The following METAP1D variants were observed in gnomAD, a reference collection of about 807,000 sequenced individuals.
METAP1D encodes methionyl aminopeptidase type 1D, mitochondrial.
In METAP1D, 31 loss-of-function variants were observed where a neutral mutation model predicts 40.5. The observed-to-expected ratio is 0.77, with a 90% CI of 0.58 to 1.03. METAP1D has a LOEUF of 1.03. Ranked by LOEUF, METAP1D falls within the 50% of genes least tolerant of loss-of-function variation. METAP1D has a pLI of 0.00. For missense variants in METAP1D, 411 were observed against 420.7 expected (o/e 0.98, Z 0.20); for synonymous variants, 151 against 146.4 (o/e 1.03, Z -0.22).
intron 1 of METAP1D, among the ~76,000 whole-genome samples, chr2:172,020,590 G>A (rs115603219): frequency 7.9e-4 from 120 of 152,318 alleles, no homozygotes; most frequent in Middle Eastern, 3.4e-3. Flanking sequence ...CTATATGCCA[G>A]ACACTGTTCT....
At chr2:172,038,862 T>C (rs1015884687) in intron 1 of METAP1D, among the ~76,000 whole-genome samples, 1 of 152,226 alleles carries the variant, frequency 6.6e-6, no homozygotes, top group African/African-American at 2.4e-5. Context: ...TTATGAGGTC[T>C]GAAGTTAGCC....
intron 6 of METAP1D, among the ~76,000 whole-genome samples, chr2:172,073,360 C>T (rs1690468817): frequency 6.6e-6 from 1 of 151,648 alleles, no homozygotes; most frequent in African/African-American, 2.4e-5. Flanking sequence ...ATTACATATT[C>T]ACTACATTAA....
At chr2:172,026,425 T>C (rs755142389) in intron 1 of METAP1D, among the ~76,000 whole-genome samples, 7 of 152,210 alleles carry the variant, frequency 4.6e-5, no homozygotes, top group Non-Finnish European at 8.8e-5. Flanking sequence ...TCTCACTTTT[T>C]GTCATGTTAG....
intron 1 of METAP1D, among the ~76,000 whole-genome samples, chr2:172,011,956 C>T (rs1268261225): frequency 6.6e-6 from 1 of 152,166 alleles, no homozygotes; most frequent in Non-Finnish European, 1.5e-5. Flanking sequence ...ATTACCACAT[C>T]CACAAGACAA....
intron 1 of METAP1D, among the ~76,000 whole-genome samples, chr2:172,024,756 G>GTGTGTGTGTGTA (rs367819905): frequency 0.3 from 36,385 of 120,562 alleles, 5,243 homozygotes; most frequent in Middle Eastern, 0.42. Context: ...GATTGTGTGT[G>GTGTGTGTGTGTA]TGTGTGTGTG....
At position 172,080,882 on chromosome 2, in the gene METAP1D, T is replaced by C; in HGVS notation, c.*476T>C. The C allele has an allele frequency of 5.3e-6, 1 of 188,650 alleles. No homozygotes were observed. Among genetic ancestry groups the C allele is most frequent in the Non-Finnish European group, 1.1e-5 (1 of 89,488 alleles). 11.7% of individuals were successfully genotyped at this position (188,650 alleles called of 1,614,324 possible). On this transcript the variant is annotated 3_prime_UTR_variant, in exon 10 of 10. Transcript: ENST00000315796. The stretch of plus-strand genomic sequence containing the variant: ...GGATTTTTAAGAATCCGTTTCTCCC[T>C]TTTGTGTATTCCATATTGGCCGGCC...
At chr2:172,010,050 G>A (rs1037903743) in intron 1 of METAP1D, among the ~76,000 whole-genome samples, 1 of 152,020 alleles carries the variant, frequency 6.6e-6, no homozygotes, top group African/African-American at 2.4e-5. Context: ...TGATGATGGC[G>A]GCTTGGAGCA....
Position 172,008,531 on chromosome 2 carries a change from T to C in METAP1D, c.40+8522T>C, listed in dbSNP as rs78965291. Among the ~76,000 whole-genome samples the C allele has an allele frequency of 3.1e-4, 47 of 152,334 alleles. No homozygotes were observed. The East Asian group carries it at 7.9e-3, about 26-fold the overall frequency. On this transcript the variant is annotated intron_variant, in intron 1 of 9. Coordinates refer to ENST00000315796, the MANE Select transcript of METAP1D (RefSeq NM_199227.3). ...AGTGGATGTCTGAAGCCACAGATGG[T>C]ACTGAACCCTGCACGGTGCTGTACT...
intron 1 of METAP1D, among the ~76,000 whole-genome samples, chr2:172,028,968 T>C (rs901325758): frequency 2.0e-5 from 3 of 152,214 alleles, no homozygotes; most frequent in Non-Finnish European, 4.4e-5. Flanking sequence ...TTCTAAAATA[T>C]AGCAGAGACT....
intron 1 of METAP1D, among the ~76,000 whole-genome samples, chr2:172,022,583 G>A (rs1021485637): frequency 3.3e-5 from 5 of 152,054 alleles, no homozygotes; most frequent in Admixed American, 6.6e-5. Context: ...GCTTGCATAA[G>A]TAAAAAAAGT....
chr2:172,052,326 T>G (rs1689903184), intron 1 of METAP1D, among the ~76,000 whole-genome samples: 1 of 152,182 alleles, frequency 6.6e-6, no homozygotes, highest in Non-Finnish European at 1.5e-5. Flanking sequence ...CAGGAAGCAG[T>G]GGTGTATGGT....
chr2:172,009,382 T>C (rs1215450685), intron 1 of METAP1D, among the ~76,000 whole-genome samples: 1 of 152,106 alleles, frequency 6.6e-6, no homozygotes, highest in Non-Finnish European at 1.5e-5. Context: ...TTGATTGACC[T>C]TGGATAACTG....
chr2:172,000,639 C>A (rs1191623981), intron 1 of METAP1D, among the ~76,000 whole-genome samples: 1 of 152,002 alleles, frequency 6.6e-6, no homozygotes, highest in East Asian at 1.9e-4. Flanking sequence ...TTTCCAAGGA[C>A]GGGGGAAGAG....
At chr2:172,047,161 G>T (rs560130613) in intron 1 of METAP1D, among the ~76,000 whole-genome samples, 1 of 152,240 alleles carries the variant, frequency 6.6e-6, no homozygotes. Context: ...TGCCTTTTTT[G>T]TCATAAGTGA....
Position 172,080,665 on chromosome 2 carries a change from G to C in METAP1D, c.*259G>C, listed in dbSNP as rs551979219. On this transcript the variant is annotated 3_prime_UTR_variant, in exon 10 of 10. Transcript: ENST00000315796. ...TCCCAGCGCGGTCAACGCATCTGGA[G>C]GGGACTGGAGGAAACCCCCTTGTTG... 3.4e-5 allele frequency: 20 copies of C among 586,272 alleles called. 1 individual carries two copies. The South Asian group carries it at 4.1e-4, about 12-fold the overall frequency. 36.3% of individuals were successfully genotyped at this position (586,272 alleles called of 1,614,324 possible).
At chr2:172,044,727 C>A (rs560412654) in intron 1 of METAP1D, among the ~76,000 whole-genome samples, 1 of 133,078 alleles carries the variant, frequency 7.5e-6, no homozygotes, top group East Asian at 2.0e-4. Flanking sequence ...GTCAACATGG[C>A]GAAACCCCAT....
At chr2:172,031,649 G>A (rs1689244384) in intron 1 of METAP1D, among the ~76,000 whole-genome samples, 1 of 152,146 alleles carries the variant, frequency 6.6e-6, no homozygotes, top group Admixed American at 6.6e-5. Context: ...AAACAGTCTA[G>A]TTGAATTCTC....
chr2:172,036,989 G>A (rs1460017486), intron 1 of METAP1D, among the ~76,000 whole-genome samples: 1 of 152,200 alleles, frequency 6.6e-6, no homozygotes, highest in Non-Finnish European at 1.5e-5. Flanking sequence ...GCTGCGGGCG[G>A]TGGCTCACGC....
intron 1 of METAP1D, among the ~76,000 whole-genome samples, chr2:172,045,934 G>T (rs1480887418): frequency 7.4e-6 from 1 of 135,246 alleles, no homozygotes; most frequent in Admixed American, 7.9e-5. Flanking sequence ...TTATACATAC[G>T]ATAAGCCTGA....
Sources: gnomAD v4.1 joint callset for allele counts (sites outside exome capture counted in the v4.1 genomes callset) on GRCh38, gnomAD v4.1.1 for gene constraint, MANE v1.5 for transcripts, NCBI Gene and HGNC (gene_info 2026-07-23, HGNC 2026-07-21) for gene names.